The following CTSS variants were observed in gnomAD, a reference collection of about 807,000 sequenced individuals.
CTSS encodes the protein cathepsin S.
CTSS carries 15 observed loss-of-function variants against 39.9 expected under a neutral mutation model. The observed-to-expected ratio is 0.38, with a 90% CI of 0.25 to 0.58. The LOEUF is 0.58. Ranked by LOEUF, CTSS falls within the 20% of genes least tolerant of loss-of-function variation. CTSS has a pLI of 0.70. For synonymous variants in CTSS, 126 were observed against 138.2 expected (o/e 0.91, Z 0.62); for missense variants, 250 against 398.2 (o/e 0.63, Z 3.17).
At chr1:150,738,210 AGGAGAT>A (rs1179168624) in intron 7 of CTSS, among the ~76,000 whole-genome samples, 1 of 152,232 alleles carries the variant, frequency 6.6e-6, no homozygotes, top group Non-Finnish European at 1.5e-5. Context: ...GCAATAGACC[AGGAGAT>A]GGATGGTGGC....
At chr1:150,741,522 A>T (rs1652755737) in intron 7 of CTSS, among the ~76,000 whole-genome samples, 1 of 152,198 alleles carries the variant, frequency 6.6e-6, no homozygotes, top group Non-Finnish European at 1.5e-5. Flanking sequence ...TAAGTTGTGT[A>T]TGAAAGTTTT....
At chr1:150,764,294 A>G (rs1007188774) in intron 2 of CTSS, among the ~76,000 whole-genome samples, 3 of 152,034 alleles carry the variant, frequency 2.0e-5, no homozygotes, top group Non-Finnish European at 4.4e-5. Context: ...CTGGAATGCA[A>G]TGGCACAATC....
intron 2 of CTSS, among the ~76,000 whole-genome samples, chr1:150,759,845 C>T (rs1265893457): frequency 6.6e-6 from 1 of 152,014 alleles, no homozygotes; most frequent in East Asian, 1.9e-4. Context: ...TTTCATTGAG[C>T]GGGTGAGCCC....
intron 2 of CTSS, among the ~76,000 whole-genome samples, chr1:150,760,968 C>T (rs908612354): frequency 6.6e-6 from 1 of 150,936 alleles, no homozygotes. Context: ...ATCATGAGGT[C>T]AGAAGTTCGA....
intron 4 of CTSS, among the ~76,000 whole-genome samples, chr1:150,753,064 A>G (rs1448560054): frequency 1.3e-5 from 2 of 152,038 alleles, no homozygotes; most frequent in Non-Finnish European, 2.9e-5. Flanking sequence ...TATATTGCCT[A>G]GGTTGGTTTC....
intron 1 of CTSS, 53 bp from the exon 2 acceptor site, chr1:150,764,817 G>T: frequency 6.3e-7 from 1 of 1,589,980 alleles, no homozygotes; most frequent in South Asian, 1.1e-5. Flanking sequence ...CATATGTTGT[G>T]ACCACATGTT....
chr1:150,742,717 A>C (rs1228969067), intron 7 of CTSS, among the ~76,000 whole-genome samples: 2 of 151,546 alleles, frequency 1.3e-5, no homozygotes, highest in Non-Finnish European at 3.0e-5. Context: ...TATGATTCAC[A>C]GGCCAAATGG....
At chr1:150,736,543 G>T (rs941869238) in intron 7 of CTSS, among the ~76,000 whole-genome samples, 7 of 152,060 alleles carry the variant, frequency 4.6e-5, no homozygotes, top group Non-Finnish European at 8.8e-5. Flanking sequence ...ATCATTTTAG[G>T]TGAACTGAAT....
chr1:150,764,880 A>C, intron 1 of CTSS, 116 bp from the exon 2 acceptor site: 1 of 1,234,170 alleles, frequency 8.1e-7, no homozygotes. Context: ...GACTATTATA[A>C]ACAGAATTAT....
intron 7 of CTSS, among the ~76,000 whole-genome samples, chr1:150,743,196 C>T (rs1017091192): frequency 6.6e-6 from 1 of 152,008 alleles, no homozygotes; most frequent in Non-Finnish European, 1.5e-5. Flanking sequence ...CAAAATGAAT[C>T]AAGATAGTGA....
Position 150,733,780 on chromosome 1 carries a change from T to C in CTSS, c.897-635A>G, listed in dbSNP as rs746262358. 5.9e-5 allele frequency among the ~76,000 whole-genome samples: 9 copies of C among 151,514 alleles called. No individual in the cohort carries two copies. In the South Asian group the frequency reaches 1.9e-3, roughly 32 times the overall value. ...GAGTTTGAGAGCAGCCTGGGCAAAA[T>C]AGCAAGTCCCTGATTCTACAAAAAA... On this transcript the variant is annotated intron_variant, in intron 7 of 7. Coordinates refer to ENST00000368985, the MANE Select transcript of CTSS (RefSeq NM_004079.5).
At chr1:150,737,321 C>T (rs1345134529) in intron 7 of CTSS, among the ~76,000 whole-genome samples, 5 of 152,050 alleles carry the variant, frequency 3.3e-5, no homozygotes, top group East Asian at 1.9e-4. Context: ...AGGCTGGTCT[C>T]GAACTCCCAA....
chr1:150,742,034 C>T (rs587616457), intron 7 of CTSS, among the ~76,000 whole-genome samples: 4 of 151,754 alleles, frequency 2.6e-5, no homozygotes, highest in Non-Finnish European at 4.4e-5. Context: ...GTCAAGAGAT[C>T]GAGATCATCC....
At chr1:150,733,259 CA>C in intron 7 of CTSS, 114 bp from the exon 8 acceptor site, 1 of 674,052 alleles carries the variant, frequency 1.5e-6, no homozygotes, top group South Asian at 1.9e-5. Flanking sequence ...GGCCGTAAAA[CA>C]AAATTAGAAT....
chr1:150,747,626 G>C (rs954005966), intron 7 of CTSS, 151 bp downstream of exon 7: 2 of 624,638 alleles, frequency 3.2e-6, no homozygotes, highest in Non-Finnish European at 5.7e-6. Flanking sequence ...TGGGGGCACT[G>C]AGTAATTTAG....
intron 3 of CTSS, among the ~76,000 whole-genome samples, 180 bp from the exon 4 acceptor site, chr1:150,755,330 C>A (rs1451901697): frequency 2.0e-5 from 3 of 152,186 alleles, no homozygotes; most frequent in Non-Finnish European, 2.9e-5. Context: ...AAACTACAAA[C>A]CTGCACGGCA....
intron 4 of CTSS, among the ~76,000 whole-genome samples, chr1:150,754,112 T>C (rs1432520802): frequency 3.1e-4 from 11 of 34,938 alleles, no homozygotes; most frequent in African/African-American, 1.0e-3. Context: ...TCCTATACAC[T>C]TTTTTTTTTT....
intron 7 of CTSS, among the ~76,000 whole-genome samples, chr1:150,733,912 G>T (rs982032569): frequency 7.9e-5 from 12 of 152,206 alleles, no homozygotes; most frequent in African/African-American, 2.9e-4. Context: ...TCATGGGTCG[G>T]ATTAGGGTTC....
chr1:150,743,701 TAA>T (rs1652827361), intron 7 of CTSS, among the ~76,000 whole-genome samples: 3 of 70,358 alleles, frequency 4.3e-5, no homozygotes, highest in Non-Finnish European at 5.2e-5. Flanking sequence ...TATGTATACA[TAA>T]TATATTATAT....
Sources: allele counts gnomAD v4.1 joint callset (sites outside exome capture counted in the v4.1 genomes callset), GRCh38; gene constraint gnomAD v4.1.1; transcripts MANE v1.5; gene names NCBI Gene and HGNC (gene_info 2026-07-23, HGNC 2026-07-21).